Variants in DLG5 observed in about 807,000 individuals in gnomAD.
DLG5 encodes the protein disks large homolog 5.
In DLG5, 48 loss-of-function variants were observed where a neutral mutation model predicts 189.8. The observed-to-expected ratio is 0.25, with a 90% confidence interval of 0.20 to 0.32. DLG5 has a LOEUF of 0.32. Among genes scored for constraint, DLG5 ranks in the 10% least tolerant of loss-of-function variants. DLG5 has a pLI of 1.00. For synonymous variants in DLG5, 1,016 were observed against 1,054.1 expected (o/e 0.96, Z 0.70); for missense variants, 2,160 against 2,544.7 (o/e 0.85, Z 3.25).
chr10:77,843,679 T>C lies in DLG5; in HGVS notation c.892A>G (p.Ile298Val). Residue 298 changes from isoleucine (I) to valine (V), a missense_variant, in exon 6 of 32, where the codon ATT becomes GTT. Ile to Val is a conservative substitution (Grantham distance 29). Coordinates refer to ENST00000372391, the MANE Select transcript of DLG5 (RefSeq NM_004747.4). The stretch of plus-strand genomic sequence containing the variant: ...GCCGTGTCATACAGTTTGTTGAGAA[T>C]CTCGGATGACCCGTTGTGCTTCAAC... The part of the protein sequence containing the change: ...QVLKHNGSSE[I>V]LNKLYDTAMD... The C allele has an allele frequency of 6.2e-7, 1 of 1,614,020 alleles. No individual in the cohort carries two copies. Among genetic ancestry groups the C allele is most frequent in the Non-Finnish European group, 8.5e-7 (1 of 1,180,016 alleles).
chr10:77,798,680 C>T (rs895579963), intron 27 of DLG5, among the ~76,000 whole-genome samples: 8 of 152,268 alleles, frequency 5.3e-5, no homozygotes, highest in South Asian at 4.1e-4. Flanking sequence ...CGTCGTGGGC[C>T]GCTCTGCTCC....
At chr10:77,934,866 T>G in the DLG5 span, among the ~76,000 whole-genome samples, 40 of 150,684 alleles carry the variant, frequency 2.7e-4, no homozygotes, top group African/African-American at 8.6e-4. Context: ...TTTTGTTTTT[T>G]TTTTTTTTTG....
intron 1 of DLG5, among the ~76,000 whole-genome samples, chr10:77,899,076 T>C (rs1242418825): frequency 6.6e-6 from 1 of 152,240 alleles, no homozygotes; most frequent in Non-Finnish European, 1.5e-5. Flanking sequence ...TGTGCCCTCC[T>C]GCAGGGCTTG....
At chr10:77,848,942 C>CA (rs1477872146) in intron 5 of DLG5, among the ~76,000 whole-genome samples, 1 of 152,040 alleles carries the variant, frequency 6.6e-6, no homozygotes, top group East Asian at 1.9e-4. Context: ...AAAAAAGATG[C>CA]AAAAACACCC....
Position 77,812,063 on chromosome 10 carries a change from G to C in DLG5, c.4189-6C>G, listed in dbSNP as rs1305295914. On this transcript the variant is annotated splice_polypyrimidine_tract_variant and splice_region_variant and intron_variant, in intron 21 of 31. Transcript: ENST00000372391. ...CGCAGGTTTATGCCGTTGAACTGGG[G>C]AAACACCAGGATGGGCTCAGTGGGG... The C allele has an allele frequency of 1.2e-6, 2 of 1,608,848 alleles. No homozygotes were observed. Among genetic ancestry groups the C allele is most frequent in the Non-Finnish European group, 1.7e-6 (2 of 1,179,938 alleles).
At chr10:77,814,135 G>A (rs1392094925) in intron 20 of DLG5, among the ~76,000 whole-genome samples, 2 of 151,804 alleles carry the variant, frequency 1.3e-5, no homozygotes, top group South Asian at 2.1e-4. Flanking sequence ...ACACCATCAC[G>A]CCCAGCTAAT....
upstream of DLG5, among the ~76,000 whole-genome samples, chr10:77,931,227 T>G (rs142433981): frequency 4.4e-4 from 67 of 152,016 alleles, no homozygotes; most frequent in African/African-American, 1.6e-3. Flanking sequence ...AAGTGCTGGA[T>G]TATAGGCGTG....
chr10:77,806,720 CCCT>C, intron 26 of DLG5, 35 bp downstream of exon 26: 25 of 1,220,286 alleles, frequency 2.0e-5, no homozygotes, highest in Non-Finnish European at 2.9e-5. Flanking sequence ...CCTCGGCGAC[CCCT>C]GCCCCACCCC....
rs571507035 is a variant in DLG5 at position 77,868,988 on chromosome 10, G to A, written c.373+141C>T. On this transcript the variant is annotated intron_variant, in intron 2 of 31. Transcript: ENST00000372391. ...TGGGTTTCTGATGATGGGAGAAAAT[G>A]TAAATGAAATCAACGGAAGGATGAT... 119 of 708,774 alleles carry A rather than the reference G, an allele frequency of 1.7e-4. No individual in the cohort carries two copies. In the African/African-American group the frequency reaches 2.1e-3, roughly 12 times the overall value. The allele number at this position is 708,774 out of a possible 1,614,324, so 43.9% of individuals were successfully genotyped here.
chr10:77,940,726 C>T, the DLG5 span, among the ~76,000 whole-genome samples: 1 of 152,182 alleles, frequency 6.6e-6, no homozygotes, highest in African/African-American at 2.4e-5. Flanking sequence ...CTGGTTTCCT[C>T]CCTCCTGACT....
chr10:77,809,133 ACGGTAGCTCATG>A (rs1841628246), intron 24 of DLG5, among the ~76,000 whole-genome samples: 1 of 149,404 alleles, frequency 6.7e-6, no homozygotes, highest in African/African-American at 2.5e-5. Flanking sequence ...GAGGCTGGAC[ACGGTAGCTCATG>A]CCTATAATCA....
chr10:77,814,605 C>T (rs888442129), intron 20 of DLG5, among the ~76,000 whole-genome samples: 1 of 150,458 alleles, frequency 6.6e-6, no homozygotes, highest in South Asian at 2.1e-4. Flanking sequence ...GACAGAGTCT[C>T]GCTCTGTCAC....
chr10:77,884,136 G>T (rs1373563792), intron 1 of DLG5, among the ~76,000 whole-genome samples: 1 of 152,198 alleles, frequency 6.6e-6, no homozygotes, highest in East Asian at 1.9e-4. Flanking sequence ...GCAAGAGAAT[G>T]ATGCATCCTA....
rs1485404280 is a variant in DLG5, at chr10:77,853,420, C to T, written c.798G>A (p.Glu266=). ...CCTCCTCGTGGAGCCGCTTCATGTCCTCCCATGACTGCTGCAGCAGGTTTC... is the reference window on the plus strand; with the variant it reads ...CCTCCTCGTGGAGCCGCTTCATGTCTTCCCATGACTGCTGCAGCAGGTTTC... ...RERNLLQQSW[E]DMKRLHEEDQ... is the part of the protein sequence containing the mutation. The change falls in exon 5 of 32, where the codon GAG becomes GAA. Residue 266 remains glutamate (E), a synonymous_variant. Transcript: ENST00000372391. The T allele has an allele frequency of 1.2e-6, 2 of 1,608,916 alleles. No homozygotes were observed. Among genetic ancestry groups the T allele is most frequent in the Non-Finnish European group, 1.7e-6 (2 of 1,177,592 alleles).
At chr10:77,922,029 AGAAAAAGC>A (rs1846550014) in intron 1 of DLG5, among the ~76,000 whole-genome samples, 1 of 152,206 alleles carries the variant, frequency 6.6e-6, no homozygotes, top group Admixed American at 6.5e-5. Flanking sequence ...TTTTTATAAA[AGAAAAAGC>A]CTGTTTGTGC....
intron 1 of DLG5, among the ~76,000 whole-genome samples, chr10:77,878,495 T>C (rs910789241): frequency 1.3e-5 from 2 of 152,142 alleles, no homozygotes; most frequent in Admixed American, 1.3e-4. Flanking sequence ...GCAGATGCTA[T>C]GGAAGGGACC....
intron 13 of DLG5, chr10:77,824,746 C>A: frequency 2.5e-6 from 1 of 402,264 alleles, no homozygotes; most frequent in Non-Finnish European, 4.4e-6. Flanking sequence ...CCGGAGGGAA[C>A]ATCTTGGCAC....
At chr10:77,804,706 C>G (rs895737644) in intron 27 of DLG5, among the ~76,000 whole-genome samples, 2 of 152,224 alleles carry the variant, frequency 1.3e-5, no homozygotes, top group Non-Finnish European at 2.9e-5. Flanking sequence ...TCACTCAACT[C>G]CAGCCCTGGA....
chr10:77,793,630 A>G (rs1840755109), intron 31 of DLG5: 1 of 224,882 alleles, frequency 4.4e-6, no homozygotes, highest in Admixed American at 5.6e-5. Flanking sequence ...CTAGGGACAG[A>G]TGGGCCCCTA....
Sources: allele counts gnomAD v4.1 joint callset (sites outside exome capture counted in the v4.1 genomes callset), GRCh38; gene constraint gnomAD v4.1.1; transcripts MANE v1.5; gene names NCBI Gene and HGNC (gene_info 2026-07-23, HGNC 2026-07-21).